Variants in WDR70 observed in about 807,000 individuals in gnomAD.
WDR70 encodes WD repeat-containing protein 70.
A neutral mutation model predicts 88.6 loss-of-function variants in WDR70; 53 were observed. The observed-to-expected ratio is 0.60, with a 90% CI of 0.48 to 0.75. The LOEUF is 0.75. Ranked by LOEUF, WDR70 falls within the 30% of genes least tolerant of loss-of-function variation. The pLI is 0.00. For missense variants in WDR70, 610 were observed against 823.2 expected, an observed-to-expected ratio of 0.74 and a Z score of 3.17; for synonymous variants, 280 against 270.0, an observed-to-expected ratio of 1.04 and a Z score of -0.36.
chr5:37,396,341 C>G lies in WDR70; in HGVS notation c.297-34C>G, dbSNP rs781257176. The G allele has an allele frequency of 1.9e-6, 3 of 1,555,884 alleles. No individual in the cohort carries two copies. The South Asian group carries it at 3.8e-5, about 19-fold the overall frequency. On this transcript the variant is annotated intron_variant, in intron 4 of 17. Coordinates refer to ENST00000265107, the MANE Select transcript of WDR70 (RefSeq NM_018034.4). ...TTCCAAAGTGTGCTCTTCATTGCAG[C>G]AGAGGCAAAGAGTTTCTGTTTCTGT...
At chr5:37,545,670 C>T (rs1450108893) in intron 9 of WDR70, among the ~76,000 whole-genome samples, 2 of 151,996 alleles carry the variant, frequency 1.3e-5, no homozygotes, top group African/African-American at 2.4e-5. Flanking sequence ...TACAGGTATG[C>T]ACCACCATGC....
At chr5:37,491,069 A>G (rs1740054283) in intron 8 of WDR70, among the ~76,000 whole-genome samples, 1 of 152,058 alleles carries the variant, frequency 6.6e-6, no homozygotes, top group South Asian at 2.1e-4. Context: ...AAGCTTGTTT[A>G]TACCAGTCTC....
chr5:37,702,435 A>G (rs1467945616), intron 12 of WDR70, among the ~76,000 whole-genome samples: 2 of 152,252 alleles, frequency 1.3e-5, no homozygotes, highest in African/African-American at 2.4e-5. Flanking sequence ...GGTTCCAGCA[A>G]TGCAACCTGT....
intron 17 of WDR70, 60 bp from the exon 18 acceptor site, chr5:37,752,426 C>A: frequency 4.4e-6 from 6 of 1,352,898 alleles, no homozygotes; most frequent in South Asian, 1.3e-5. Flanking sequence ...GAAGCAAAAT[C>A]TAATGTAACA....
intron 10 of WDR70, among the ~76,000 whole-genome samples, chr5:37,615,280 A>G (rs1581437269): frequency 6.6e-6 from 1 of 152,126 alleles, no homozygotes; most frequent in African/African-American, 2.4e-5. Context: ...ACTAAAAATA[A>G]AGAGGTCTCA....
chr5:37,441,354 C>CG (rs1750647039), intron 6 of WDR70, among the ~76,000 whole-genome samples: 1 of 151,966 alleles, frequency 6.6e-6, no homozygotes, highest in African/African-American at 2.4e-5. Flanking sequence ...CTAATTTTAA[C>CG]ATAAGTATTA....
At position 37,574,414 on chromosome 5, in the gene WDR70, C is replaced by T. The variant is rs530422886; in HGVS notation, c.918-30650C>T. On this transcript the variant is annotated intron_variant, in intron 9 of 17. Coordinates refer to ENST00000265107, the MANE Select transcript of WDR70 (RefSeq NM_018034.4). ...TGGCTTGCTACAGTGATGCACATTT[C>T]TTTGTCTTTTCCTTACCTTAGTCAT... Among the ~76,000 whole-genome samples, 4 of 152,278 alleles carry T rather than the reference C, an allele frequency of 2.6e-5. No homozygotes were observed. The South Asian group carries it at 8.3e-4, about 32-fold the overall frequency.
intron 17 of WDR70, among the ~76,000 whole-genome samples, chr5:37,740,406 C>T (rs1287595825): frequency 1.3e-5 from 2 of 152,224 alleles, no homozygotes; most frequent in African/African-American, 2.4e-5. Flanking sequence ...GATTCTCTCA[C>T]TATGCTCCTA....
intron 10 of WDR70, among the ~76,000 whole-genome samples, chr5:37,641,241 G>A (rs1745095168): frequency 6.6e-6 from 1 of 151,842 alleles, no homozygotes; most frequent in Admixed American, 6.6e-5. Context: ...TCAGCCTCCT[G>A]AGTAGCTGGG....
chr5:37,609,108 GT>G (rs1253862768), intron 10 of WDR70, among the ~76,000 whole-genome samples: 3 of 152,168 alleles, frequency 2.0e-5, no homozygotes, highest in Non-Finnish European at 2.9e-5. Context: ...TCCTAGTTAT[GT>G]GAATACACAA....
At chr5:37,731,893 A>G (rs1182210520) in intron 17 of WDR70, among the ~76,000 whole-genome samples, 1 of 152,184 alleles carries the variant, frequency 6.6e-6, no homozygotes, top group African/African-American at 2.4e-5. Flanking sequence ...CATCCAGAAG[A>G]TAACTTTTAA....
intron 8 of WDR70, among the ~76,000 whole-genome samples, chr5:37,508,121 A>G (rs1391100185): frequency 1.3e-5 from 2 of 152,004 alleles, no homozygotes; most frequent in South Asian, 2.1e-4. Context: ...TTTTGTACGT[A>G]CCTATTATGG....
At chr5:37,709,945 T>C (rs1428224456) in intron 13 of WDR70, among the ~76,000 whole-genome samples, 1 of 152,266 alleles carries the variant, frequency 6.6e-6, no homozygotes, top group East Asian at 1.9e-4. Flanking sequence ...CCAGCATCAA[T>C]AAGACTTGAT....
chr5:37,442,636 T>C (rs2112052416), intron 6 of WDR70, among the ~76,000 whole-genome samples: 1 of 152,310 alleles, frequency 6.6e-6, no homozygotes, highest in East Asian at 1.9e-4. Flanking sequence ...AGCAAATATT[T>C]TATGGAACCA....
chr5:37,661,290 G>C (rs1386307097), intron 10 of WDR70, among the ~76,000 whole-genome samples: 1 of 152,180 alleles, frequency 6.6e-6, no homozygotes, highest in Non-Finnish European at 1.5e-5. Flanking sequence ...GTGTCTGTAG[G>C]GGGTCTTGGG....
At chr5:37,685,471 G>T (rs1190382017) in intron 10 of WDR70, among the ~76,000 whole-genome samples, 1 of 152,076 alleles carries the variant, frequency 6.6e-6, no homozygotes, top group Non-Finnish European at 1.5e-5. Flanking sequence ...TGCCGAGGCT[G>T]CACTGCAAGC....
At chr5:37,638,755 C>G (rs1050308262) in intron 10 of WDR70, among the ~76,000 whole-genome samples, 1 of 152,174 alleles carries the variant, frequency 6.6e-6, no homozygotes, top group South Asian at 2.1e-4. Context: ...ACTGAATTAA[C>G]TCTGTTATTG....
intron 12 of WDR70, 68 bp downstream of exon 12, chr5:37,701,210 T>C: frequency 3.1e-6 from 3 of 977,030 alleles, no homozygotes; most frequent in Middle Eastern, 2.2e-4. Context: ...TACTTTAATG[T>C]TAATTTATAT....
chr5:37,395,590 T>C (rs1748984873), intron 4 of WDR70, among the ~76,000 whole-genome samples: 1 of 152,196 alleles, frequency 6.6e-6, no homozygotes, highest in Non-Finnish European at 1.5e-5. Context: ...AGAAATAACT[T>C]GTATTTCAGA....
Sources: gnomAD v4.1 joint callset for allele counts (sites outside exome capture counted in the v4.1 genomes callset) on GRCh38, gnomAD v4.1.1 for gene constraint, MANE v1.5 for transcripts, NCBI Gene and HGNC (gene_info 2026-07-23, HGNC 2026-07-21) for gene names.